The following FMN2 variants were observed in gnomAD, a reference collection of about 807,000 sequenced individuals.
The protein encoded by FMN2 is formin 2, also known as formin-2.
A neutral mutation model predicts 142.3 loss-of-function variants in FMN2; 51 were observed. The ratio of observed to expected loss-of-function variants is 0.36; its 90% CI spans 0.29 to 0.45. The LOEUF is 0.45. FMN2 is among the 20% of genes least tolerant of loss of function. FMN2 has a pLI of 1.00. For synonymous variants in FMN2, 882 were observed against 869.8 expected (o/e 1.01, Z -0.25); for missense variants, 1,936 against 2,122.8 (o/e 0.91, Z 1.73).
At chr1:240,271,454 G>C (rs116411120) in intron 7 of FMN2, among the ~76,000 whole-genome samples, 1 of 149,486 alleles carries the variant, frequency 6.7e-6, no homozygotes, top group Non-Finnish European at 1.5e-5. Context: ...AGCTTATAAG[G>C]CTTGCTTAGA....
At chr1:240,271,134 G>C (rs1321741236) in intron 7 of FMN2, among the ~76,000 whole-genome samples, 1 of 53,210 alleles carries the variant, frequency 1.9e-5, no homozygotes, top group East Asian at 5.9e-4. Context: ...CTGTTTGCAT[G>C]TATTTGGATA....
At chr1:240,212,223 T>C (rs1427910321) in intron 6 of FMN2, among the ~76,000 whole-genome samples, 5 of 152,132 alleles carry the variant, frequency 3.3e-5, no homozygotes, top group African/African-American at 4.8e-5. Flanking sequence ...GTTGTTTCCA[T>C]TGATATTTAT....
chr1:240,388,955 C>G (rs1423752802), intron 14 of FMN2, among the ~76,000 whole-genome samples: 3 of 151,774 alleles, frequency 2.0e-5, no homozygotes, highest in Non-Finnish European at 4.4e-5. Flanking sequence ...GATCACCAGC[C>G]AAGCCTTGTG....
intron 16 of FMN2, among the ~76,000 whole-genome samples, chr1:240,462,116 T>C (rs897795318): frequency 5.3e-5 from 8 of 152,216 alleles, no homozygotes; most frequent in African/African-American, 1.9e-4. Context: ...TGTAAATTCA[T>C]CTAGGTATCC....
At chr1:240,213,386 G>A (rs1380498346) in intron 6 of FMN2, among the ~76,000 whole-genome samples, 1 of 152,148 alleles carries the variant, frequency 6.6e-6, no homozygotes, top group African/African-American at 2.4e-5. Context: ...CTGCACTTCA[G>A]ATCTGTTTTT....
intron 1 of FMN2, among the ~76,000 whole-genome samples, chr1:240,108,414 G>A (rs528415275): frequency 7.9e-5 from 12 of 152,170 alleles, no homozygotes; most frequent in South Asian, 2.1e-4. Flanking sequence ...AGTATAAGCC[G>A]TTAGTATGTG....
At chr1:240,143,107 G>T in intron 2 of FMN2, 3 of 1,538,970 alleles carry the variant, frequency 1.9e-6, no homozygotes, top group Non-Finnish European at 2.7e-6. Context: ...TGTGCCAAGT[G>T]CACCATGAAG....
intron 15 of FMN2, among the ~76,000 whole-genome samples, chr1:240,434,184 A>G (rs1675274474): frequency 6.6e-6 from 1 of 152,304 alleles, no homozygotes; most frequent in East Asian, 1.9e-4. Context: ...ACATCTTTTA[A>G]CTACTACCTC....
intron 4 of FMN2, among the ~76,000 whole-genome samples, chr1:240,199,580 T>G (rs2103369008): frequency 6.6e-6 from 1 of 152,314 alleles, no homozygotes; most frequent in East Asian, 1.9e-4. Flanking sequence ...GATACGCAAG[T>G]GTTCAAACAA....
chr1:240,429,305 C>T (rs1191328315), intron 15 of FMN2, among the ~76,000 whole-genome samples: 2 of 152,134 alleles, frequency 1.3e-5, no homozygotes, highest in Non-Finnish European at 2.9e-5. Flanking sequence ...ATGTCTTTCT[C>T]TCATTGGTCT....
intron 6 of FMN2, among the ~76,000 whole-genome samples, chr1:240,233,477 A>C (rs1444662613): frequency 6.6e-6 from 1 of 152,114 alleles, no homozygotes; most frequent in Non-Finnish European, 1.5e-5. Context: ...TCTTGCTAAG[A>C]CTATTCTACT....
intron 8 of FMN2, among the ~76,000 whole-genome samples, chr1:240,314,826 C>T (rs1415924047): frequency 6.6e-6 from 1 of 152,166 alleles, no homozygotes; most frequent in East Asian, 1.9e-4. Context: ...TCTGCCTCTA[C>T]CAGCCATTGT....
At chr1:240,430,574 C>T (rs868332419) in intron 15 of FMN2, among the ~76,000 whole-genome samples, 2 of 151,490 alleles carry the variant, frequency 1.3e-5, no homozygotes, top group African/African-American at 4.8e-5. Context: ...TTTGTTTGGC[C>T]CAAAGATGTA....
intron 1 of FMN2, among the ~76,000 whole-genome samples, chr1:240,099,466 C>G (rs888845789): frequency 2.0e-5 from 3 of 151,700 alleles, no homozygotes; most frequent in Admixed American, 2.0e-4. Context: ...GAGGGTGCTG[C>G]TTTCCAAAGA....
rs973454582 is a variant in FMN2, at chr1:240,315,535, T to C, written c.4216-13541T>C. Among the ~76,000 whole-genome samples, 4 of 152,202 alleles carry C rather than the reference T, an allele frequency of 2.6e-5. No homozygotes were observed. The South Asian group carries it at 8.3e-4, about 31-fold the overall frequency. Reference sequence around the variant, plus strand: ...TTGAGTGATTCCAGATGGTATTACATGAGTATTTGGCTCTGAATTTCTTGT... The same window carrying C: ...TTGAGTGATTCCAGATGGTATTACACGAGTATTTGGCTCTGAATTTCTTGT... On this transcript the variant is annotated intron_variant, in intron 8 of 17. Transcript: ENST00000319653.
intron 6 of FMN2, among the ~76,000 whole-genome samples, chr1:240,235,262 C>T (rs1018214180): frequency 3.3e-5 from 5 of 152,090 alleles, no homozygotes; most frequent in East Asian, 1.9e-4. Flanking sequence ...AGTGCATGGA[C>T]GTCATCTTTG....
chr1:240,300,484 TA>T (rs1238674655), intron 8 of FMN2, among the ~76,000 whole-genome samples: 1 of 152,182 alleles, frequency 6.6e-6, no homozygotes, highest in Non-Finnish European at 1.5e-5. Context: ...TCTCTTTGTC[TA>T]AAAAATTCTA....
At chr1:240,170,267 G>A (rs1291562869) in intron 2 of FMN2, 13 of 1,189,488 alleles carry the variant, frequency 1.1e-5, no homozygotes, top group South Asian at 3.7e-5. Flanking sequence ...CTAAAGGCTC[G>A]TGAAGTTTGA....
chr1:240,269,431 G>C (rs1668919059), intron 7 of FMN2, among the ~76,000 whole-genome samples: 2 of 151,926 alleles, frequency 1.3e-5, no homozygotes. Context: ...CCACCATACT[G>C]TTTTGATTAC....
Sources: gnomAD v4.1 joint callset for allele counts (sites outside exome capture counted in the v4.1 genomes callset) on GRCh38, gnomAD v4.1.1 for gene constraint, MANE v1.5 for transcripts, NCBI Gene and HGNC (gene_info 2026-07-23, HGNC 2026-07-21) for gene names.